Variants in SPMIP3 observed in about 807,000 individuals in gnomAD.
SPMIP3 encodes sperm microtubule inner protein 3.
At chr1:244,360,550 ACACACACATGCATG>A in the SPMIP3 span, among the ~76,000 whole-genome samples, 3,155 of 62,150 alleles carry the variant, frequency 0.051, 122 homozygotes, top group South Asian at 0.11. Flanking sequence ...ACACACACAC[ACACACACATGCATG>A]CATGGAATAT....
chr1:244,375,516 A>G, the SPMIP3 span: 3 of 1,510,184 alleles, frequency 2.0e-6, no homozygotes, highest in Non-Finnish European at 2.8e-6. Flanking sequence ...CGAAAGCTAC[A>G]ATGATAAAAA....
the SPMIP3 span, among the ~76,000 whole-genome samples, chr1:244,374,279 C>G: frequency 6.6e-6 from 1 of 152,100 alleles, no homozygotes; most frequent in Non-Finnish European, 1.5e-5. Flanking sequence ...AGTGCTCCCT[C>G]CCAGTCCCCA....
chr1:244,353,767 G>C, the SPMIP3 span, among the ~76,000 whole-genome samples: 3 of 152,158 alleles, frequency 2.0e-5, no homozygotes, highest in Admixed American at 6.5e-5. Flanking sequence ...GGGGAGAAGG[G>C]AACCAACCTT....
the SPMIP3 span, among the ~76,000 whole-genome samples, chr1:244,370,594 G>A: frequency 1.6e-4 from 25 of 152,294 alleles, no homozygotes; most frequent in East Asian, 2.5e-3. Flanking sequence ...AGTGCTTTTC[G>A]TTGAGTTAAA....
At chr1:244,365,088 A>G in the SPMIP3 span, among the ~76,000 whole-genome samples, 113,601 of 152,164 alleles carry the variant, frequency 0.75, 42,751 homozygotes, top group East Asian at 0.92. Flanking sequence ...GAGACCCAGG[A>G]TTTAGATACC....
chr1:244,355,043 G>A, the SPMIP3 span, among the ~76,000 whole-genome samples: 1 of 152,188 alleles, frequency 6.6e-6, no homozygotes, highest in Non-Finnish European at 1.5e-5. Context: ...TAGCTGCCTG[G>A]CAGGGTCAGG....
the SPMIP3 span, among the ~76,000 whole-genome samples, chr1:244,373,240 C>T: frequency 6.7e-6 from 1 of 148,792 alleles, no homozygotes; most frequent in African/African-American, 2.5e-5. Flanking sequence ...TTCCACATTG[C>T]CATCAAAAAA....
the SPMIP3 span, among the ~76,000 whole-genome samples, chr1:244,381,214 T>C: frequency 8.6e-5 from 13 of 151,580 alleles, no homozygotes; most frequent in African/African-American, 3.2e-4. Context: ...AAAGAAGAGG[T>C]GGCCAGAAAG....
At chr1:244,366,853 G>C in the SPMIP3 span, among the ~76,000 whole-genome samples, 1 of 152,108 alleles carries the variant, frequency 6.6e-6, no homozygotes, top group Non-Finnish European at 1.5e-5. Flanking sequence ...GCACTCCAGT[G>C]TGGGCAACAG....
chr1:244,374,210 T>C, the SPMIP3 span, among the ~76,000 whole-genome samples: 3 of 152,232 alleles, frequency 2.0e-5, no homozygotes, highest in East Asian at 5.8e-4. Context: ...CTCAGCCCCG[T>C]TGTATTCCAC....
chr1:244,381,413 C>T, the SPMIP3 span, among the ~76,000 whole-genome samples: 1 of 152,196 alleles, frequency 6.6e-6, no homozygotes, highest in African/African-American at 2.4e-5. Flanking sequence ...CAAACAGACA[C>T]AAAAGGTGTT....
chr1:244,374,773 T>G, the SPMIP3 span, among the ~76,000 whole-genome samples: 1 of 151,548 alleles, frequency 6.6e-6, no homozygotes, highest in Non-Finnish European at 1.5e-5. Context: ...TTTTTTTGTA[T>G]TTTTAGTAGA....
chr1:244,356,179 T>C, the SPMIP3 span, among the ~76,000 whole-genome samples: 3 of 152,200 alleles, frequency 2.0e-5, no homozygotes, highest in Non-Finnish European at 4.4e-5. Context: ...ATATGAGTAG[T>C]GAGAGTAAAC....
chr1:244,378,874 C>G, the SPMIP3 span, among the ~76,000 whole-genome samples: 1 of 152,142 alleles, frequency 6.6e-6, no homozygotes, highest in African/African-American at 2.4e-5. Context: ...ATGCATATAT[C>G]CTTATTAACA....
the SPMIP3 span, among the ~76,000 whole-genome samples, chr1:244,367,286 C>T: frequency 2.1e-3 from 320 of 152,216 alleles, 1 homozygote; most frequent in Non-Finnish European, 3.0e-3. Flanking sequence ...GGGTTTTATG[C>T]AATGGAGGGC....
At chr1:244,371,033 G>A in the SPMIP3 span, among the ~76,000 whole-genome samples, 10 of 152,148 alleles carry the variant, frequency 6.6e-5, no homozygotes, top group Non-Finnish European at 1.5e-4. Flanking sequence ...GGCTACCTGG[G>A]GCTGTGGGGC....
At chr1:244,371,939 C>T in the SPMIP3 span, among the ~76,000 whole-genome samples, 181 of 152,328 alleles carry the variant, frequency 1.2e-3, 1 homozygote, top group African/African-American at 3.5e-3. Context: ...TTATCCCAGC[C>T]ACTGGGCAGG....
chr1:244,375,572 T>C, the SPMIP3 span: 1 of 675,634 alleles, frequency 1.5e-6, no homozygotes, highest in East Asian at 2.9e-5. Flanking sequence ...ATACTGATGA[T>C]AGCAAAAATA....
chr1:244,364,519 T>A, the SPMIP3 span, among the ~76,000 whole-genome samples: 2 of 152,258 alleles, frequency 1.3e-5, no homozygotes, highest in South Asian at 2.1e-4. Flanking sequence ...TTTTGCTCCT[T>A]TCTAATCTTG....
Sources: allele counts gnomAD v4.1 joint callset (sites outside exome capture counted in the v4.1 genomes callset), GRCh38; gene constraint gnomAD v4.1.1; transcripts MANE v1.5; gene names NCBI Gene and HGNC (gene_info 2026-07-23, HGNC 2026-07-21).